PLA2G6: variants seen among roughly 807,000 people sequenced by gnomAD.
The protein encoded by PLA2G6 is 85/88 kDa calcium-independent phospholipase A2.
A neutral mutation model predicts 83.8 loss-of-function variants in PLA2G6; 62 were observed. That is an observed-to-expected ratio of 0.74 (90% confidence interval 0.60 to 0.91). The LOEUF is 0.91. PLA2G6 is among the 40% of genes least tolerant of loss of function. The pLI, the probability that PLA2G6 is intolerant of heterozygous loss-of-function variation, is 0.00. For synonymous variants in PLA2G6, 417 were observed against 449.8 expected (o/e 0.93, Z 0.92); for missense variants, 944 against 1,102.0 (o/e 0.86, Z 2.03).
chr22:38,171,460 C>T (rs1221029754), intron 1 of PLA2G6, among the ~76,000 whole-genome samples: 1 of 152,096 alleles, frequency 6.6e-6, no homozygotes, highest in Non-Finnish European at 1.5e-5. Context: ...CTCCTTCCAC[C>T]TCAGCCTCCT....
intron 15 of PLA2G6, among the ~76,000 whole-genome samples, chr22:38,113,044 C>T (rs2086978256): frequency 1.3e-5 from 2 of 152,134 alleles, no homozygotes; most frequent in Non-Finnish European, 2.9e-5. Flanking sequence ...GTAGCTGGGA[C>T]CACAGGCACA....
At chr22:38,143,435 T>G in intron 3 of PLA2G6, 147 bp from the exon 4 acceptor site, 1 of 758,650 alleles carries the variant, frequency 1.3e-6, no homozygotes, top group Non-Finnish European at 2.3e-6. Flanking sequence ...ACTCAGCTAG[T>G]TGGGCTGATT....
In PLA2G6 at chr22:38,177,507, A is replaced by G. The variant is rs1246799099; in HGVS notation, c.-46+4157T>C. Among the ~76,000 whole-genome samples, 4 of 147,672 alleles carry G rather than the reference A, an allele frequency of 2.7e-5. No homozygotes were observed. The East Asian group carries it at 5.9e-4, about 22-fold the overall frequency. ...GACAGAGTTTCACTCTTGTTGCCCAAGCTGGAGTGCAATGGCGTGATCTTG... is the reference window on the plus strand; with the variant it reads ...GACAGAGTTTCACTCTTGTTGCCCAGGCTGGAGTGCAATGGCGTGATCTTG... On this transcript the variant is annotated intron_variant, in intron 1 of 16. Transcript: ENST00000332509.
At chr22:38,117,370 G>A (rs1282871675) in intron 12 of PLA2G6, among the ~76,000 whole-genome samples, 1 of 151,964 alleles carries the variant, frequency 6.6e-6, no homozygotes, top group Non-Finnish European at 1.5e-5. Context: ...ACCACGCCCG[G>A]CTAATTTTTT....
At position 38,132,966 on chromosome 22, in the gene PLA2G6, G is replaced by T; in HGVS notation, c.942C>A (p.Ser314Arg). ...LKRGCNVNST[S>R]SAGNTALHVA... ...CGTGCAGGGCCGTGTTCCCCGCGGA[G>T]CTGGTGCTGTTCACGTTGCAGCCCC... Residue 314 changes from serine to arginine, a missense_variant, in exon 7 of 17, where the codon AGC (serine) becomes AGA (arginine). Transcript: ENST00000332509. This position sits in a 1 kb window ranked among gnomAD's most constrained non-coding sequence, Gnocchi z 5.0. 6.4e-7 allele frequency: 1 copy of T among 1,565,528 alleles called. No individual in the cohort carries two copies. Among genetic ancestry groups the T allele is most frequent in the Non-Finnish European group, 8.7e-7 (1 of 1,155,496 alleles).
In PLA2G6 at chr22:38,143,237, G is replaced by T. The variant is rs1208956605; in HGVS notation, c.477C>A (p.Ala159=). Residue 159 remains alanine (A), a synonymous_variant, in exon 4 of 17, where the codon GCC becomes GCA. Coordinates refer to ENST00000332509, the MANE Select transcript of PLA2G6 (RefSeq NM_003560.4). ...NEEGCTPLHL[A]CRKGDGEILV... Reference sequence around the variant, plus strand: ...GGATCTCCCCATCACCCTTGCGGCAGGCCAGGTGCAGGGGTGTGCAGCCCT... The same window carrying T: ...GGATCTCCCCATCACCCTTGCGGCATGCCAGGTGCAGGGGTGTGCAGCCCT... 3 of 1,613,992 alleles carry T rather than the reference G, an allele frequency of 1.9e-6. No homozygotes were observed. Among genetic ancestry groups the T allele is most frequent in the Non-Finnish European group, 2.5e-6 (3 of 1,180,044 alleles).
At position 38,148,553 on chromosome 22, in the gene PLA2G6, A is replaced by C. The variant is rs188728061; in HGVS notation, c.210-2900T>G. The stretch of plus-strand genomic sequence containing the variant: ...AGTGTTCAGGTGGCTGTTACTGGAG[A>C]GGATGGGCAGACGAGCAGCACCAGT... On this transcript the variant is annotated intron_variant, in intron 2 of 16. Coordinates refer to ENST00000332509, the MANE Select transcript of PLA2G6 (RefSeq NM_003560.4). 1.1e-3 allele frequency: 762 copies of C among 717,296 alleles called. 1 individual carries two copies. The highest frequency in any genetic ancestry group is 2.9e-3 in the Admixed American group (143 of 50,004). The allele number at this position is 717,296 out of a possible 1,614,324, so 44.4% of individuals were successfully genotyped here.
chr22:38,119,482 C>T lies in PLA2G6; in HGVS notation c.1742+1277G>A, dbSNP rs527837604. 2.6e-5 allele frequency among the ~76,000 whole-genome samples: 4 copies of T among 152,250 alleles called. No individual in the cohort carries two copies. In the South Asian group the frequency reaches 8.3e-4, roughly 32 times the overall value. On this transcript the variant is annotated intron_variant, in intron 12 of 16. Transcript: ENST00000332509. ...GGCAGATCTAGAGAGCTTTCCAGCT[C>T]GACACAGGAGAATCGTGTGCTGCTT...
chr22:38,120,343 G>A (rs931526668), intron 12 of PLA2G6, among the ~76,000 whole-genome samples: 4 of 152,254 alleles, frequency 2.6e-5, no homozygotes, highest in Admixed American at 6.5e-5. Context: ...ATGTTTAGCC[G>A]TGTCATTTGA....
At chr22:38,158,924 C>A (rs10427700) in intron 2 of PLA2G6, among the ~76,000 whole-genome samples, 2,076 of 152,254 alleles carry the variant, frequency 0.014, 48 homozygotes, top group African/African-American at 0.047. Context: ...GCTTGCCAGG[C>A]ACACTGGCTC....
At chr22:38,113,105 T>C (rs2086981646) in intron 15 of PLA2G6, among the ~76,000 whole-genome samples, 2 of 152,016 alleles carry the variant, frequency 1.3e-5, no homozygotes, top group African/African-American at 4.8e-5. Context: ...CAAAGTCTCA[T>C]TATATTGCTC....
chr22:38,118,975 T>G (rs1034374745), intron 12 of PLA2G6, among the ~76,000 whole-genome samples: 2 of 152,138 alleles, frequency 1.3e-5, no homozygotes, highest in Non-Finnish European at 2.9e-5. Flanking sequence ...TTGCCCAGGC[T>G]GGTCTCGACC....
chr22:38,155,084 A>C lies in PLA2G6; in HGVS notation c.210-9431T>G, dbSNP rs576627378. On this transcript the variant is annotated intron_variant, in intron 2 of 16. Transcript: ENST00000332509. ...CTACTAAAAATACAAAAAATTAGCC[A>C]GGCGTGGTGGCGGGCGCCTGTAATC... Among the ~76,000 whole-genome samples the C allele has an allele frequency of 2.1e-4, 32 of 152,186 alleles. No individual in the cohort carries two copies. The South Asian group carries it at 6.6e-3, about 32-fold the overall frequency.
chr22:38,139,080 C>A (rs963598429), intron 5 of PLA2G6: 1 of 152,196 alleles, frequency 6.6e-6, no homozygotes, highest in Non-Finnish European at 1.5e-5. Flanking sequence ...AAAACATGAG[C>A]CTGTACCTGC....
At chr22:38,148,637 A>G (rs1260392781) in intron 2 of PLA2G6, 2 of 693,218 alleles carry the variant, frequency 2.9e-6, no homozygotes, top group Non-Finnish European at 5.3e-6. Context: ...CCAAGAGGAG[A>G]GCCCTGATGA....
At chr22:38,166,986 TGGGAGGCCGAGGCAGGCGG>T (rs2090239310) in intron 2 of PLA2G6, among the ~76,000 whole-genome samples, 3 of 151,964 alleles carry the variant, frequency 2.0e-5, no homozygotes, top group African/African-American at 7.3e-5. Context: ...CCCAGCACTT[TGGGAGGCCGAGGCAGGCGG>T]ATCACGAGGT....
At chr22:38,166,466 A>G (rs2090219754) in intron 2 of PLA2G6, among the ~76,000 whole-genome samples, 1 of 152,218 alleles carries the variant, frequency 6.6e-6, no homozygotes, top group Non-Finnish European at 1.5e-5. Context: ...ATGGTGACTC[A>G]TGCCTGTAAT....
In PLA2G6 at chr22:38,145,429, C is replaced by G; in HGVS notation, c.425+9G>C. ...CACGTTGTCCAAATGGTCTTGTTCC[C>G]TTGCTCACCTGATGATACGGCTGTG... On this transcript the variant is annotated intron_variant, in intron 3 of 16. Transcript: ENST00000332509. The G allele has an allele frequency of 6.3e-7, 1 of 1,598,924 alleles. No individual in the cohort carries two copies. Among genetic ancestry groups the G allele is most frequent in the South Asian group, 1.1e-5 (1 of 88,742 alleles).
chr22:38,153,170 G>T (rs960670346), intron 2 of PLA2G6, among the ~76,000 whole-genome samples: 4 of 152,244 alleles, frequency 2.6e-5, no homozygotes, highest in Non-Finnish European at 4.4e-5. Context: ...GGTGGCTCAT[G>T]CCTGTAATCC....
Sources: gnomAD v4.1 joint callset for allele counts (sites outside exome capture counted in the v4.1 genomes callset) on GRCh38, gnomAD v4.1.1 for gene constraint, Gnocchi (gnomAD v3.1) non-coding constraint, MANE v1.5 for transcripts, NCBI Gene and HGNC (gene_info 2026-07-23, HGNC 2026-07-21) for gene names.